The following GFM1 variants were observed in gnomAD, a reference collection of about 807,000 sequenced individuals.
GFM1 encodes G elongation factor mitochondrial 1, also known as elongation factor G, mitochondrial.
Under a neutral mutation model 96.2 loss-of-function variants are expected in GFM1, and 62 were observed. The observed-to-expected ratio is 0.64, with a 90% CI of 0.53 to 0.80. The LOEUF (loss-of-function observed/expected upper bound fraction) is 0.80, where lower values mean the gene tolerates loss of function less well. Among genes scored for constraint, GFM1 ranks in the 30% least tolerant of loss-of-function variants. GFM1 has a pLI of 0.00. For missense variants in GFM1, 852 were observed against 916.6 expected, an observed-to-expected ratio of 0.93 and a Z score of 0.91; for synonymous variants, 282 against 312.9, an observed-to-expected ratio of 0.90 and a Z score of 1.04.
At chr3:158,649,928 A>G (rs1229877774) in intron 5 of GFM1, 5 of 1,202,422 alleles carry the variant, frequency 4.2e-6, no homozygotes, top group African/African-American at 1.5e-5. Flanking sequence ...AGTGACACTG[A>G]TCTAGACAAT....
intron 13 of GFM1, among the ~76,000 whole-genome samples, chr3:158,671,384 A>G (rs1724286104): frequency 1.3e-5 from 2 of 152,236 alleles, no homozygotes; most frequent in African/African-American, 2.4e-5. Context: ...AGATTTTTTC[A>G]TAAAGCTCAG....
At chr3:158,645,225 A>G (rs1205549243) in intron 1 of GFM1, among the ~76,000 whole-genome samples, 8 of 152,126 alleles carry the variant, frequency 5.3e-5, no homozygotes, top group Admixed American at 5.2e-4. Context: ...TCTCAAACAT[A>G]TTTGTCATCT....
At chr3:158,651,237 A>G (rs956554216) in intron 5 of GFM1, among the ~76,000 whole-genome samples, 5 of 152,126 alleles carry the variant, frequency 3.3e-5, no homozygotes, top group Admixed American at 6.6e-5. Context: ...TTCTTTGTTA[A>G]AAAGTATATG....
At chr3:158,656,210 A>G (rs1722744991) in intron 8 of GFM1, 29 of 215,254 alleles carry the variant, frequency 1.3e-4, no homozygotes, top group South Asian at 3.8e-4. Flanking sequence ...CTGGAGTGCA[A>G]TGGCACAATC....
chr3:158,663,925 G>T (rs1723400759), intron 11 of GFM1, among the ~76,000 whole-genome samples: 1 of 152,138 alleles, frequency 6.6e-6, no homozygotes, highest in Admixed American at 6.6e-5. Flanking sequence ...GTGGGGGCAG[G>T]CATGATGTTT....
intron 16 of GFM1, 83 bp downstream of exon 16, chr3:158,690,406 C>A: frequency 1.5e-6 from 2 of 1,317,090 alleles, no homozygotes; most frequent in Non-Finnish European, 2.2e-6. Flanking sequence ...TGCAAATGGA[C>A]ACATTTCCTT....
At chr3:158,680,461 C>A (rs1321397012) in intron 13 of GFM1, among the ~76,000 whole-genome samples, 1 of 152,212 alleles carries the variant, frequency 6.6e-6, no homozygotes, top group Non-Finnish European at 1.5e-5. Flanking sequence ...TTCTAAACCA[C>A]TGCAAAATCT....
chr3:158,660,946 A>G lies in GFM1; in HGVS notation c.1294A>G (p.Thr432Ala), dbSNP rs1723155863. The change falls in exon 10 of 18, where the codon ACA (threonine) becomes GCA (alanine). Residue 432 changes from threonine to alanine, a missense_variant. Thr to Ala is a moderately conservative substitution (Grantham distance 58). Transcript: ENST00000486715. ...GIDCASGDTF[T>A]DKANSGLSME... is the part of the protein sequence containing the mutation. ...TGACTGTGCTAGTGGAGACACATTC[A>G]CAGACAAAGCCAACAGCGGCCTTTC... The G allele has an allele frequency of 1.2e-6, 2 of 1,614,050 alleles. No individual in the cohort carries two copies. Among genetic ancestry groups the G allele is most frequent in the African/African-American group, 1.3e-5 (1 of 75,054 alleles).
chr3:158,667,224 GACAA>G, intron 13 of GFM1: 1 of 892,028 alleles, frequency 1.1e-6, no homozygotes, highest in South Asian at 2.1e-5. Flanking sequence ...AATTTAATGT[GACAA>G]AATCTATTCT....
chr3:158,671,159 G>A (rs1331338680), intron 13 of GFM1: 6 of 1,186,880 alleles, frequency 5.1e-6, no homozygotes, highest in Non-Finnish European at 6.4e-6. Flanking sequence ...AAAAAGGCAT[G>A]TCACCATGAA....
chr3:158,666,651 C>T, intron 13 of GFM1: 1 of 1,612,770 alleles, frequency 6.2e-7, no homozygotes, highest in Non-Finnish European at 8.5e-7. Flanking sequence ...TTTGTTTATT[C>T]CAGTTGTACT....
chr3:158,654,205 CTT>C (rs551796824), intron 7 of GFM1, among the ~76,000 whole-genome samples: 1 of 85,990 alleles, frequency 1.2e-5, no homozygotes, highest in African/African-American at 4.8e-5. Context: ...CTCTAAAGAC[CTT>C]TTTTTTTTTT....
chr3:158,647,779 A>G (rs1286717006), intron 4 of GFM1, among the ~76,000 whole-genome samples: 1 of 152,114 alleles, frequency 6.6e-6, no homozygotes, highest in African/African-American at 2.4e-5. Context: ...TTTTTTCCCC[A>G]AATCTTCTTC....
intron 13 of GFM1, among the ~76,000 whole-genome samples, chr3:158,670,079 G>A (rs1423178050): frequency 1.3e-5 from 2 of 152,166 alleles, no homozygotes; most frequent in South Asian, 2.1e-4. Flanking sequence ...TTGTAAAGAT[G>A]GCTGTCTAGC....
Position 158,653,482 on chromosome 3 carries a change from T to C in GFM1, c.998+15T>C, listed in dbSNP as rs368676387. 5.5e-5 allele frequency: 88 copies of C among 1,596,952 alleles called. No individual in the cohort carries two copies. The highest frequency in any genetic ancestry group is 2.1e-4 in the African/African-American group (16 of 74,526). ...AATAAAGAGGAGTAAGTCTTGAAAATTGAATCTTAGTTTATGCAGAAATAC... is the reference window on the plus strand; with the variant it reads ...AATAAAGAGGAGTAAGTCTTGAAAACTGAATCTTAGTTTATGCAGAAATAC... On this transcript the variant is annotated intron_variant, in intron 7 of 17. Coordinates refer to ENST00000486715, the MANE Select transcript of GFM1 (RefSeq NM_024996.7).
chr3:158,658,517 G>T (rs995685757), intron 8 of GFM1, among the ~76,000 whole-genome samples: 19 of 152,150 alleles, frequency 1.2e-4, no homozygotes, highest in Admixed American at 3.9e-4. Context: ...TTGTGTTTTA[G>T]ATGTATAGCA....
rs1052085168 is a variant in GFM1 at position 158,665,308 on chromosome 3, CAT to C, written c.1381-25_1381-24del. ...CCATTGCTTATCATGCTCAGTAAAA[CAT>C]ATAGTGACTTTCTTCTTCTTTTAAA... On this transcript the variant is annotated intron_variant, in intron 11 of 17. Coordinates refer to ENST00000486715, the MANE Select transcript of GFM1 (RefSeq NM_024996.7). 7.0e-6 allele frequency: 11 copies of C among 1,570,678 alleles called. No individual in the cohort carries two copies. In the African/African-American group the frequency reaches 1.2e-4, roughly 17 times the overall value.
intron 4 of GFM1, among the ~76,000 whole-genome samples, chr3:158,648,109 A>G (rs1721978474): frequency 6.6e-6 from 1 of 151,898 alleles, no homozygotes; most frequent in African/African-American, 2.4e-5. Context: ...ATTTTCATAA[A>G]CTTTCTCTTT....
At chr3:158,661,743 A>G (rs1367080664) in intron 10 of GFM1, among the ~76,000 whole-genome samples, 3 of 152,184 alleles carry the variant, frequency 2.0e-5, no homozygotes, top group Non-Finnish European at 4.4e-5. Flanking sequence ...GGTGACAGGT[A>G]ATTTGCAGTG....
Sources: allele counts gnomAD v4.1 joint callset (sites outside exome capture counted in the v4.1 genomes callset), GRCh38; gene constraint gnomAD v4.1.1; transcripts MANE v1.5; gene names NCBI Gene and HGNC (gene_info 2026-07-23, HGNC 2026-07-21).